CHRM3: variants seen among roughly 807,000 people sequenced by gnomAD.
The protein encoded by CHRM3 is cholinergic receptor muscarinic 3.
CHRM3 carries 11 observed loss-of-function variants against 41.8 expected under a neutral mutation model. The ratio of observed to expected loss-of-function variants is 0.26; its 90% CI spans 0.17 to 0.44. CHRM3 has a LOEUF of 0.44. CHRM3 is among the 20% of genes least tolerant of loss of function. The pLI is 1.00. For synonymous variants in CHRM3, 297 were observed against 301.4 expected, an observed-to-expected ratio of 0.99 and a Z score of 0.15; for missense variants, 571 against 745.4, an observed-to-expected ratio of 0.77 and a Z score of 2.72.
chr1:239,900,813 C>G (rs768826132), intron 6 of CHRM3, among the ~76,000 whole-genome samples: 2 of 152,172 alleles, frequency 1.3e-5, no homozygotes, highest in African/African-American at 4.8e-5. Flanking sequence ...ATACATTGCT[C>G]ATTTACATGT....
chr1:239,734,020 T>C (rs1572130597), intron 5 of CHRM3, among the ~76,000 whole-genome samples: 1 of 152,256 alleles, frequency 6.6e-6, no homozygotes, highest in Middle Eastern at 3.4e-3. Flanking sequence ...TTACGCAATG[T>C]GGAGGGTGCT....
At chr1:239,667,952 T>G (rs1573211853) in intron 4 of CHRM3, among the ~76,000 whole-genome samples, 1 of 152,136 alleles carries the variant, frequency 6.6e-6, no homozygotes, top group East Asian at 1.9e-4. Context: ...AAGTGTTTTG[T>G]TTTACATTGC....
intron 3 of CHRM3, among the ~76,000 whole-genome samples, chr1:239,623,656 ACCCCACCACAGTCC>A (rs1668706256): frequency 1.7e-5 from 1 of 60,534 alleles, no homozygotes; most frequent in Non-Finnish European, 3.1e-5. Context: ...CCCTCCCCCG[ACCCCACCACAGTCC>A]CCAGAGTGTG....
intron 6 of CHRM3, among the ~76,000 whole-genome samples, chr1:239,863,341 C>T (rs192655556): frequency 4.3e-4 from 66 of 152,292 alleles, no homozygotes; most frequent in African/African-American, 1.3e-3. Flanking sequence ...CCAACAGTGA[C>T]GCAGCCGTCA....
chr1:239,649,896 G>A (rs1183835959), intron 4 of CHRM3, among the ~76,000 whole-genome samples: 1 of 152,186 alleles, frequency 6.6e-6, no homozygotes, highest in East Asian at 1.9e-4. Flanking sequence ...AGGCAGCAGG[G>A]CACTGTGTTC....
intron 1 of CHRM3, among the ~76,000 whole-genome samples, chr1:239,411,965 G>A (rs1192396612): frequency 6.6e-6 from 1 of 151,538 alleles, no homozygotes; most frequent in Non-Finnish European, 1.5e-5. Flanking sequence ...ATAGACTACT[G>A]TGTTTTGCTT....
At chr1:239,694,592 C>T (rs1266189845) in intron 5 of CHRM3, among the ~76,000 whole-genome samples, 2 of 152,056 alleles carry the variant, frequency 1.3e-5, no homozygotes, top group African/African-American at 4.8e-5. Context: ...AGATGATTTC[C>T]CTTCTTCTGA....
intron 4 of CHRM3, among the ~76,000 whole-genome samples, chr1:239,676,121 G>T (rs1032788482): frequency 9.2e-5 from 14 of 152,190 alleles, no homozygotes; most frequent in African/African-American, 2.9e-4. Context: ...AGACAAGACA[G>T]TTCTAACTTC....
At chr1:239,613,252 A>G (rs1667266112) in intron 3 of CHRM3, among the ~76,000 whole-genome samples, 2 of 152,214 alleles carry the variant, frequency 1.3e-5, no homozygotes. Context: ...TGCACAAGCA[A>G]AGGCCAAACA....
In CHRM3 at chr1:239,398,777, G is replaced by A. The variant is rs530476692; in HGVS notation, c.-521+11550G>A. 3.9e-5 allele frequency among the ~76,000 whole-genome samples: 6 copies of A among 152,186 alleles called. No individual in the cohort carries two copies. In the South Asian group the frequency reaches 1.2e-3, roughly 32 times the overall value. ...CCTAAAAATAACATTCAATCACAGT[G>A]GACAGTTTTGCTTGGTTTTTCTGTA... On this transcript the variant is annotated intron_variant, in intron 1 of 6. Coordinates refer to ENST00000676153, the MANE Select transcript of CHRM3 (RefSeq NM_001375978.1).
chr1:239,709,344 C>A (rs79984185), intron 5 of CHRM3, among the ~76,000 whole-genome samples: 6 of 152,152 alleles, frequency 3.9e-5, no homozygotes, highest in South Asian at 2.1e-4. Context: ...CACCTTGAGG[C>A]GGATTTTACC....
intron 5 of CHRM3, among the ~76,000 whole-genome samples, chr1:239,684,074 A>G (rs563979992): frequency 2.2e-4 from 34 of 152,352 alleles, no homozygotes; most frequent in Non-Finnish European, 4.3e-4. Context: ...CCTAACCCAT[A>G]TTCCCGTGTG....
intron 4 of CHRM3, among the ~76,000 whole-genome samples, chr1:239,635,815 C>T (rs1050151533): frequency 3.3e-5 from 5 of 152,136 alleles, no homozygotes; most frequent in East Asian, 1.9e-4. Context: ...GATGCCTGCC[C>T]CCTGCAAGAG....
intron 1 of CHRM3, among the ~76,000 whole-genome samples, chr1:239,389,876 G>A (rs1658869208): frequency 6.6e-6 from 1 of 152,154 alleles, no homozygotes; most frequent in Admixed American, 6.5e-5. Flanking sequence ...TGTTTGCAGT[G>A]CCGGGAAGTT....
At chr1:239,534,297 GCCTGGGTGACAAAGCGAGACT>G (rs1476217988) in intron 2 of CHRM3, among the ~76,000 whole-genome samples, 3 of 152,222 alleles carry the variant, frequency 2.0e-5, no homozygotes, top group Non-Finnish European at 4.4e-5. Context: ...CTGCACTTCA[GCCTGGGTGACAAAGCGAGACT>G]CTGTCTCAAA....
chr1:239,657,483 T>A (rs527533750), intron 4 of CHRM3, among the ~76,000 whole-genome samples: 92 of 152,328 alleles, frequency 6.0e-4, no homozygotes, highest in Non-Finnish European at 9.6e-4. Flanking sequence ...CCTGGCATTA[T>A]GAAGTTGAGC....
chr1:239,697,187 T>C lies in CHRM3; in HGVS notation c.-147+18899T>C, dbSNP rs188591429. 5.2e-3 allele frequency among the ~76,000 whole-genome samples: 794 copies of C among 152,254 alleles called. 5 individuals are homozygous for C. Among genetic ancestry groups the C allele is most frequent in the Non-Finnish European group, 5.9e-3 (399 of 68,010 alleles). ...TCTCATCTTGAATTCCCACGTGTTG[T>C]GGGAGGGACCTGGTGGGAGGTAATT... On this transcript the variant is annotated intron_variant, in intron 5 of 6. Transcript: ENST00000676153.
intron 1 of CHRM3, among the ~76,000 whole-genome samples, chr1:239,431,082 AAGGACATTCAAAATCCTTCAT>A (rs1662800697): frequency 6.6e-6 from 1 of 152,146 alleles, no homozygotes; most frequent in African/African-American, 2.4e-5. Flanking sequence ...AATGAGTGGA[AAGGACATTCAAAATCCTTCAT>A]ATTGAGAAGT....
At chr1:239,850,084 G>A (rs960979157) in intron 6 of CHRM3, among the ~76,000 whole-genome samples, 2 of 152,050 alleles carry the variant, frequency 1.3e-5, no homozygotes, top group Non-Finnish European at 2.9e-5. Context: ...GCATATAACT[G>A]CCAGTAGTTT....
Sources: allele counts gnomAD v4.1 joint callset (sites outside exome capture counted in the v4.1 genomes callset), GRCh38; gene constraint gnomAD v4.1.1; transcripts MANE v1.5; gene names NCBI Gene and HGNC (gene_info 2026-07-23, HGNC 2026-07-21).